Variants in SEMA3A observed in about 807,000 individuals in gnomAD.
SEMA3A encodes the protein semaphorin 3A, also known as semaphorin-3A.
In SEMA3A, 29 loss-of-function variants were observed where a neutral mutation model predicts 97.9. The ratio of observed to expected loss-of-function variants is 0.30; its 90% CI spans 0.22 to 0.40. The LOEUF is 0.40. SEMA3A is among the 10% of genes least tolerant of loss of function. The probability of loss-of-function intolerance (pLI) is 1.00; values close to 1 mark genes in which losing one functional copy is unlikely to be tolerated. For missense variants in SEMA3A, 763 were observed against 951.3 expected, an observed-to-expected ratio of 0.80 and a Z score of 2.60; for synonymous variants, 321 against 323.7, an observed-to-expected ratio of 0.99 and a Z score of 0.09.
intron 3 of SEMA3A, among the ~76,000 whole-genome samples, chr7:84,272,243 A>G (rs78254921): frequency 0.016 from 2,477 of 152,224 alleles, 25 homozygotes; most frequent in Non-Finnish European, 0.025. Flanking sequence ...AGCAAGATAT[A>G]TTGGGAACTG....
intron 2 of SEMA3A, among the ~76,000 whole-genome samples, chr7:84,350,581 AG>A (rs1187343370): frequency 6.6e-6 from 1 of 152,170 alleles, no homozygotes; most frequent in Non-Finnish European, 1.5e-5. Flanking sequence ...TTGTATGTGA[AG>A]ATGTGTTTAC....
At chr7:84,067,447 C>A (rs1793560356) in intron 4 of SEMA3A, among the ~76,000 whole-genome samples, 1 of 151,928 alleles carries the variant, frequency 6.6e-6, no homozygotes, top group South Asian at 2.1e-4. Context: ...TAAAGAGCTT[C>A]TGCACAGCAA....
At chr7:84,030,181 A>T (rs978317780) in intron 6 of SEMA3A, among the ~76,000 whole-genome samples, 7 of 152,108 alleles carry the variant, frequency 4.6e-5, no homozygotes, top group Non-Finnish European at 1.0e-4. Flanking sequence ...ATAATATAGA[A>T]CTTTCTATTT....
intron 1 of SEMA3A, among the ~76,000 whole-genome samples, chr7:84,439,342 T>C (rs983404564): frequency 5.3e-5 from 8 of 152,102 alleles, no homozygotes; most frequent in Non-Finnish European, 1.0e-4. Flanking sequence ...AAGTGAAATT[T>C]CATGTGTCGA....
At chr7:84,252,976 T>G (rs1030812730) in intron 3 of SEMA3A, among the ~76,000 whole-genome samples, 1 of 152,168 alleles carries the variant, frequency 6.6e-6, no homozygotes, top group African/African-American at 2.4e-5. Context: ...CCTCCTGGGT[T>G]CAAGTGATTC....
chr7:84,321,929 C>G (rs2115912223), intron 2 of SEMA3A, among the ~76,000 whole-genome samples: 1 of 124,652 alleles, frequency 8.0e-6, no homozygotes, highest in South Asian at 2.7e-4. Flanking sequence ...ATACCTGAGA[C>G]TGCATAATTT....
At chr7:84,038,642 C>T (rs1460299981) in intron 6 of SEMA3A, among the ~76,000 whole-genome samples, 1 of 151,816 alleles carries the variant, frequency 6.6e-6, no homozygotes, top group South Asian at 2.1e-4. Context: ...TAGTTGATGA[C>T]CCCTCATGAA....
rs58783916 is a variant in SEMA3A at position 84,249,931 on chromosome 7, G to GTT, written c.-82-55265_-82-55264dup. Among the ~76,000 whole-genome samples, 664 of 144,438 alleles carry GTT rather than the reference G, an allele frequency of 4.6e-3. 4 individuals are homozygous for GTT. The highest frequency in any genetic ancestry group is 0.015 in the African/African-American group (596 of 39,596). The allele number at this position is 144,438 out of a possible 152,430, so 94.8% of individuals were successfully genotyped here. ...AAGGAAGGGGAAGCAGTTGCATCCT[G>GTT]TTTTTTTTTTTTTACTCTGAGACTG... On this transcript the variant is annotated intron_variant, in intron 3 of 3. Transcript: ENST00000424555.
intron 1 of SEMA3A, among the ~76,000 whole-genome samples, chr7:84,144,235 C>CA (rs927533071): frequency 2.0e-5 from 3 of 151,788 alleles, no homozygotes; most frequent in African/African-American, 7.3e-5. Flanking sequence ...TGCTTAAAGT[C>CA]AAAACAACAA....
chr7:84,396,249 CA>C (rs1426461137), intron 1 of SEMA3A, among the ~76,000 whole-genome samples: 38 of 151,728 alleles, frequency 2.5e-4, no homozygotes, highest in African/African-American at 8.9e-4. Flanking sequence ...AAATGTAAAA[CA>C]GTCAACATTT....
chr7:83,965,060 C>CT (rs1296746289), intron 15 of SEMA3A, among the ~76,000 whole-genome samples: 8 of 150,912 alleles, frequency 5.3e-5, no homozygotes, highest in African/African-American at 1.9e-4. Flanking sequence ...ACATTGAATA[C>CT]TTTTTTTTCT....
rs1014962045 is a variant in SEMA3A, at chr7:84,462,109, A to G, written c.-246+30351T>C. On this transcript the variant is annotated intron_variant, in intron 1 of 3. Transcript: ENST00000424555. ...TCTCTTCGTGAATATATAATGTCTC[A>G]TACAAGACTACCACCTTAACATTTA... is the stretch of plus-strand genomic sequence containing the variant. 2.6e-5 allele frequency among the ~76,000 whole-genome samples: 4 copies of G among 152,264 alleles called. No homozygotes were observed. In the South Asian group the frequency reaches 6.2e-4, roughly 24 times the overall value.
At chr7:84,430,289 C>T (rs1391280573) in intron 1 of SEMA3A, among the ~76,000 whole-genome samples, 3 of 151,784 alleles carry the variant, frequency 2.0e-5, no homozygotes, top group South Asian at 2.1e-4. Flanking sequence ...ACATAATTTA[C>T]GGCAAGCAAA....
chr7:84,101,769 T>C (rs1794966027), intron 4 of SEMA3A, among the ~76,000 whole-genome samples: 1 of 152,178 alleles, frequency 6.6e-6, no homozygotes, highest in Non-Finnish European at 1.5e-5. Context: ...TTGCTTTACT[T>C]TGTAGGACTG....
intron 15 of SEMA3A, among the ~76,000 whole-genome samples, chr7:83,968,903 C>A (rs1469185010): frequency 2.0e-5 from 3 of 149,844 alleles, no homozygotes; most frequent in African/African-American, 7.4e-5. Flanking sequence ...CTCCGCCTCC[C>A]AGGTTCAAAC....
chr7:84,019,124 C>T (rs748058627), intron 6 of SEMA3A, among the ~76,000 whole-genome samples: 3 of 151,792 alleles, frequency 2.0e-5, no homozygotes, highest in Non-Finnish European at 4.4e-5. Flanking sequence ...GATAATATGT[C>T]GAATGTAAGA....
intron 2 of SEMA3A, among the ~76,000 whole-genome samples, chr7:84,361,900 G>A (rs1456013674): frequency 1.3e-5 from 2 of 151,750 alleles, no homozygotes; most frequent in Admixed American, 1.3e-4. Flanking sequence ...GGGTGAACTC[G>A]GCTCTAGGCT....
At chr7:84,011,148 C>T in intron 8 of SEMA3A, 35 bp downstream of exon 8, 1 of 1,604,094 alleles carries the variant, frequency 6.2e-7, no homozygotes, top group Non-Finnish European at 8.5e-7. Context: ...AAAGTCTGAA[C>T]AAATATTCTC....
intron 3 of SEMA3A, among the ~76,000 whole-genome samples, chr7:84,113,554 C>A (rs972726402): frequency 2.0e-5 from 3 of 152,100 alleles, no homozygotes; most frequent in Non-Finnish European, 4.4e-5. Context: ...ATGTAATGTA[C>A]TTTTTGGCCT....
Sources: allele counts gnomAD v4.1 joint callset (sites outside exome capture counted in the v4.1 genomes callset), GRCh38; gene constraint gnomAD v4.1.1; transcripts MANE v1.5; gene names NCBI Gene and HGNC (gene_info 2026-07-23, HGNC 2026-07-21).